The following PTPN22 variants were observed in gnomAD, a reference collection of about 807,000 sequenced individuals.
PTPN22 encodes protein tyrosine phosphatase non-receptor type 22.
A neutral mutation model predicts 103.3 loss-of-function variants in PTPN22; 85 were observed. The ratio of observed to expected loss-of-function variants is 0.82; its 90% CI spans 0.69 to 0.99. PTPN22 has a LOEUF of 0.99. Among genes scored for constraint, PTPN22 ranks in the 50% least tolerant of loss-of-function variants. The pLI is 0.00. For synonymous variants in PTPN22, 323 were observed against 310.2 expected (o/e 1.04, Z -0.43); for missense variants, 865 against 936.9 (o/e 0.92, Z 1.00).
At chr1:113,869,398 AT>A (rs35623739) in intron 1 of PTPN22, among the ~76,000 whole-genome samples, 63,052 of 148,436 alleles carry the variant, frequency 0.42, 14,039 homozygotes, top group East Asian at 0.83. Flanking sequence ...TATAGTCTAC[AT>A]TTTTTTTTTT....
intron 1 of PTPN22, among the ~76,000 whole-genome samples, chr1:113,868,245 G>A (rs1666281607): frequency 6.6e-6 from 1 of 152,118 alleles, no homozygotes; most frequent in Non-Finnish European, 1.5e-5. Flanking sequence ...TGGGGAGAGG[G>A]TAAAGGGGTT....
chr1:113,864,140 A>C (rs1274042298), intron 1 of PTPN22: 3 of 373,194 alleles, frequency 8.0e-6, no homozygotes, highest in African/African-American at 6.6e-5. Context: ...AACAAACAAA[A>C]AACTGAAATT....
At position 113,859,082 on chromosome 1, in the gene PTPN22, T is replaced by C. The variant is rs72650669; in HGVS notation, c.197-4A>G. 2.1e-3 allele frequency: 3,338 copies of C among 1,613,256 alleles called. 4 individuals carry two copies. The highest frequency in any genetic ancestry group is 2.6e-3 in the Non-Finnish European group (3,055 of 1,179,598). On this transcript the variant is annotated splice_region_variant and splice_polypyrimidine_tract_variant and intron_variant, in intron 2 of 20. Transcript: ENST00000359785. Reference sequence around the variant, plus strand: ...AGTTCTACCCGGCTATAATCATCTATAATACAAAAGACAGACATAGTACAA... The same window carrying C: ...AGTTCTACCCGGCTATAATCATCTACAATACAAAAGACAGACATAGTACAA...
Position 113,822,805 on chromosome 1 carries a change from C to T in PTPN22, c.2281+2337G>A, listed in dbSNP as rs139535595. The stretch of plus-strand genomic sequence containing the variant: ...TGAAACCTTGTCTCTACTAAAAATA[C>T]AAAAATTAGCTGGGCATAGTGGTGT... On this transcript the variant is annotated intron_variant, in intron 19 of 20. Transcript: ENST00000359785. Among the ~76,000 whole-genome samples, 781 of 152,218 alleles carry T rather than the reference C, an allele frequency of 5.1e-3. 2 individuals are homozygous for T. The highest frequency in any genetic ancestry group is 9.1e-3 in the Non-Finnish European group (622 of 68,008).
exon 1 of PTPN22, chr1:113,871,656 G>T (rs1666597473): frequency 6.3e-7 from 1 of 1,592,292 alleles, no homozygotes; most frequent in Non-Finnish European, 8.6e-7. Context: ...CTATAAGTAG[G>T]TTGAGGGAGG....
chr1:113,823,245 TTGAATGAA>T (rs1231257325), intron 19 of PTPN22: 1 of 152,138 alleles, frequency 6.6e-6, no homozygotes, highest in Non-Finnish European at 1.5e-5. Context: ...CAAATATTCA[TTGAATGAA>T]TGAATGAATG....
chr1:113,820,781 A>C (rs563712174), intron 19 of PTPN22, among the ~76,000 whole-genome samples: 2 of 152,250 alleles, frequency 1.3e-5, no homozygotes, highest in South Asian at 4.1e-4. Flanking sequence ...ACATTTTCAG[A>C]ATGCACTGTG....
chr1:113,859,447 TGCCTTTTCA>T (rs1665377289), exon 2 of PTPN22: 1 of 1,612,904 alleles, frequency 6.2e-7, no homozygotes, highest in East Asian at 2.2e-5. Flanking sequence ...CTTGGTAGAT[TGCCTTTTCA>T]GCTTCTGTAA....
At chr1:113,816,088 T>C (rs554714224) in intron 20 of PTPN22, among the ~76,000 whole-genome samples, 1 of 152,332 alleles carries the variant, frequency 6.6e-6, no homozygotes, top group South Asian at 2.1e-4. Flanking sequence ...AACTCAAAGA[T>C]ATACCTAAAC....
chr1:113,832,878 G>C (rs1662668712), intron 16 of PTPN22: 1 of 385,872 alleles, frequency 2.6e-6, no homozygotes, highest in Non-Finnish European at 4.7e-6. Context: ...CTCTGAAATA[G>C]TTTTTATATA....
chr1:113,867,797 A>C (rs1436434645), intron 1 of PTPN22, among the ~76,000 whole-genome samples: 1 of 152,246 alleles, frequency 6.6e-6, no homozygotes, highest in Non-Finnish European at 1.5e-5. Context: ...AGACATAAGC[A>C]GCATGGCACT....
At chr1:113,837,615 T>C (rs187131457) in exon 13 of PTPN22, 5 of 1,588,608 alleles carry the variant, frequency 3.1e-6, no homozygotes, top group Non-Finnish European at 4.3e-6. Context: ...CCTGGTTCAA[T>C]AGTGAGGAAA....
intron 1 of PTPN22, among the ~76,000 whole-genome samples, chr1:113,871,065 T>G (rs1204606779): frequency 6.6e-6 from 1 of 151,982 alleles, no homozygotes; most frequent in Non-Finnish European, 1.5e-5. Flanking sequence ...CAAAAAAAAC[T>G]GTGGCAGTGG....
intron 11 of PTPN22, among the ~76,000 whole-genome samples, chr1:113,842,411 C>T (rs1445739132): frequency 6.6e-6 from 1 of 152,148 alleles, no homozygotes; most frequent in African/African-American, 2.4e-5. Flanking sequence ...CGTGGTGGCT[C>T]ACGCCTGTAA....
chr1:113,863,088 T>TGTTG (rs1335248486), intron 1 of PTPN22, among the ~76,000 whole-genome samples: 1 of 152,028 alleles, frequency 6.6e-6, no homozygotes, highest in Non-Finnish European at 1.5e-5. Flanking sequence ...ATGTGTGTGT[T>TGTTG]GTTGGTTGGT....
exon 13 of PTPN22, chr1:113,837,682 G>C (rs770180470): frequency 2.5e-5 from 40 of 1,601,390 alleles, no homozygotes; most frequent in Admixed American, 6.7e-5. Flanking sequence ...AGAGAAGAGG[G>C]ATGTAGAGGA....
chr1:113,866,074 CTGTT>C (rs1571482234), intron 1 of PTPN22, among the ~76,000 whole-genome samples: 1 of 152,212 alleles, frequency 6.6e-6, no homozygotes, highest in Non-Finnish European at 1.5e-5. Context: ...ATTGACCTCT[CTGTT>C]TGTTTCCTCA....
intron 20 of PTPN22, among the ~76,000 whole-genome samples, chr1:113,815,928 CTTGGCCT>C (rs1661112964): frequency 6.6e-6 from 1 of 152,218 alleles, no homozygotes; most frequent in African/African-American, 2.4e-5. Context: ...ATCCACCCAC[CTTGGCCT>C]TCCAAAGTCT....
exon 5 of PTPN22, chr1:113,857,767 T>C: frequency 1.2e-6 from 2 of 1,610,712 alleles, no homozygotes; most frequent in South Asian, 1.1e-5. Flanking sequence ...ATGCATGCCA[T>C]AACAATGATC....
Sources: gnomAD v4.1 joint callset for allele counts (sites outside exome capture counted in the v4.1 genomes callset) on GRCh38, gnomAD v4.1.1 for gene constraint, MANE v1.5 for transcripts, NCBI Gene and HGNC (gene_info 2026-07-23, HGNC 2026-07-21) for gene names.